Variants in FAM3C observed in about 807,000 individuals in gnomAD.
FAM3C encodes protein FAM3C.
A neutral mutation model predicts 32.5 loss-of-function variants in FAM3C; 15 were observed. The observed-to-expected ratio is 0.46, with a 90% confidence interval of 0.31 to 0.71. The LOEUF (loss-of-function observed/expected upper bound fraction) is 0.71, where lower values mean the gene tolerates loss of function less well. FAM3C is among the 30% of genes least tolerant of loss of function. FAM3C has a pLI of 0.05. For synonymous variants in FAM3C, 75 were observed against 86.1 expected (o/e 0.87, Z 0.72); for missense variants, 175 against 274.4 (o/e 0.64, Z 2.56).
In FAM3C at chr7:121,349,663, A is replaced by G. The variant is rs1239539820; in HGVS notation, c.*798T>C. 6.6e-6 allele frequency: 1 copy of G among 152,312 alleles called. No homozygotes were observed. The highest frequency in any genetic ancestry group is 2.4e-5 in the African/African-American group (1 of 41,426). The allele number at this position is 152,312 out of a possible 1,614,324, so 9.4% of individuals were successfully genotyped here. A position where few individuals can be genotyped will look rare whatever the true frequency, so the allele number is the denominator to read the frequency against. On this transcript the variant is annotated 3_prime_UTR_variant, in exon 10 of 10. Coordinates refer to ENST00000359943, the MANE Select transcript of FAM3C (RefSeq NM_014888.3). Reference sequence around the variant, plus strand: ...AACGTATGCTAGTATTGCTCTAAATATACTGACTTAGCTGTCCTGAATGAC... The same window carrying G: ...AACGTATGCTAGTATTGCTCTAAATGTACTGACTTAGCTGTCCTGAATGAC...
intron 7 of FAM3C, among the ~76,000 whole-genome samples, chr7:121,362,542 G>A (rs777667401): frequency 6.0e-5 from 9 of 151,198 alleles, no homozygotes; most frequent in South Asian, 4.2e-4. Context: ...GCTTACATTG[G>A]TTATTCTGGT....
Position 121,382,214 on chromosome 7 carries a change from C to T in FAM3C, c.13+743G>A, listed in dbSNP as rs148701756. Among the ~76,000 whole-genome samples the T allele has an allele frequency of 7.0e-3, 1,072 of 152,122 alleles. 5 individuals carry two copies. The highest frequency in any genetic ancestry group is 0.025 in the South Asian group (121 of 4,814). On this transcript the variant is annotated intron_variant, in intron 2 of 9. Coordinates refer to ENST00000359943, the MANE Select transcript of FAM3C (RefSeq NM_014888.3). ...ATCAGCCCCTCCAGTTATTTATAAA[C>T]GTGTCTTTTTAGAATATTTAAATAT... is the stretch of plus-strand genomic sequence containing the variant.
At chr7:121,370,182 T>C (rs1794117323) in intron 5 of FAM3C, among the ~76,000 whole-genome samples, 1 of 152,124 alleles carries the variant, frequency 6.6e-6, no homozygotes, top group South Asian at 2.1e-4. Context: ...ACTATTCTAA[T>C]GAGAAATCAG....
chr7:121,369,228 G>A (rs1010733478), intron 5 of FAM3C, among the ~76,000 whole-genome samples: 1 of 151,904 alleles, frequency 6.6e-6, no homozygotes, highest in Non-Finnish European at 1.5e-5. Flanking sequence ...TGATCCACCC[G>A]CTTCGACCTC....
At chr7:121,371,832 C>T (rs1794154116) in intron 4 of FAM3C, among the ~76,000 whole-genome samples, 1 of 152,092 alleles carries the variant, frequency 6.6e-6, no homozygotes, top group Non-Finnish European at 1.5e-5. Context: ...TTAAAAAAGG[C>T]CTAATGTTCC....
chr7:121,391,998 T>C (rs1485674111), intron 1 of FAM3C, among the ~76,000 whole-genome samples: 3 of 152,156 alleles, frequency 2.0e-5, no homozygotes, highest in African/African-American at 7.2e-5. Flanking sequence ...TAGGGGACCT[T>C]CCAACACGAC....
intron 4 of FAM3C, among the ~76,000 whole-genome samples, chr7:121,371,815 A>C (rs1003533519): frequency 3.3e-5 from 5 of 152,190 alleles, no homozygotes; most frequent in African/African-American, 1.2e-4. Flanking sequence ...CGTCACCTCC[A>C]GGATAATTAA....
intron 8 of FAM3C, among the ~76,000 whole-genome samples, chr7:121,353,917 T>C (rs148523784): frequency 1.9e-3 from 283 of 152,334 alleles, no homozygotes; most frequent in Middle Eastern, 6.8e-3. Flanking sequence ...ACTGGAGAAC[T>C]GTCAAAACTG....
chr7:121,378,393 C>T (rs2116935496), intron 3 of FAM3C, among the ~76,000 whole-genome samples: 1 of 152,122 alleles, frequency 6.6e-6, no homozygotes, highest in East Asian at 1.9e-4. Flanking sequence ...GATCACAGCT[C>T]ACCACAGCCT....
intron 1 of FAM3C, among the ~76,000 whole-genome samples, chr7:121,390,956 T>C (rs967290209): frequency 6.8e-6 from 1 of 146,300 alleles, no homozygotes; most frequent in African/African-American, 2.5e-5. Flanking sequence ...ACAGTCAACC[T>C]GCCACCAGAA....
At chr7:121,389,911 A>G (rs949473648) in intron 1 of FAM3C, among the ~76,000 whole-genome samples, 3 of 152,202 alleles carry the variant, frequency 2.0e-5, no homozygotes, top group African/African-American at 7.2e-5. Context: ...ACTGGAAATG[A>G]GTAGGATGAA....
At chr7:121,367,610 T>A (rs1794048663) in intron 5 of FAM3C, among the ~76,000 whole-genome samples, 1 of 152,124 alleles carries the variant, frequency 6.6e-6, no homozygotes, top group Non-Finnish European at 1.5e-5. Flanking sequence ...AATATCAAAT[T>A]CATACAAATT....
rs573737429 is a variant in FAM3C at position 121,358,384 on chromosome 7, A to C, written c.467+1659T>G. ...TTGTAGTATTAAAGCTCTGTCAATT[A>C]AAATCTATAAAGGATGTTTTTTATC... On this transcript the variant is annotated intron_variant, in intron 8 of 9. Coordinates refer to ENST00000359943, the MANE Select transcript of FAM3C (RefSeq NM_014888.3). Among the ~76,000 whole-genome samples, 3 of 152,164 alleles carry C rather than the reference A, an allele frequency of 2.0e-5. No homozygotes were observed. In the South Asian group the frequency reaches 6.2e-4, roughly 32 times the overall value.
chr7:121,387,265 G>T (rs553248790), intron 1 of FAM3C, among the ~76,000 whole-genome samples: 10 of 151,618 alleles, frequency 6.6e-5, no homozygotes, highest in Non-Finnish European at 1.2e-4. Context: ...ACAGGCCTAG[G>T]GGTTGTACTT....
intron 8 of FAM3C, among the ~76,000 whole-genome samples, chr7:121,352,516 C>T (rs906661181): frequency 6.6e-6 from 1 of 152,094 alleles, no homozygotes; most frequent in African/African-American, 2.4e-5. Context: ...CTTTCAGATT[C>T]GCCTCCTATA....
intron 9 of FAM3C, 108 bp from the exon 10 acceptor site, chr7:121,350,658 A>G: frequency 8.7e-7 from 1 of 1,154,134 alleles, no homozygotes; most frequent in Non-Finnish European, 1.2e-6. Context: ...GTCAACAATA[A>G]GTTCATTTAA....
intron 8 of FAM3C, among the ~76,000 whole-genome samples, chr7:121,354,358 T>A (rs573203276): frequency 1.3e-5 from 2 of 152,176 alleles, no homozygotes; most frequent in Non-Finnish European, 2.9e-5. Flanking sequence ...ATAATTTTCT[T>A]CAAAATGAAC....
intron 1 of FAM3C, among the ~76,000 whole-genome samples, chr7:121,395,212 GATAC>G (rs1288705167): frequency 1.3e-5 from 2 of 149,516 alleles, no homozygotes; most frequent in South Asian, 2.1e-4. Context: ...CATATATACG[GATAC>G]ATACATATAT....
At chr7:121,385,018 C>T (rs1383302849) in intron 1 of FAM3C, among the ~76,000 whole-genome samples, 2 of 151,906 alleles carry the variant, frequency 1.3e-5, no homozygotes, top group African/African-American at 4.8e-5. Context: ...GAAGCAAAAA[C>T]TTAATGGAAA....
Sources: allele counts gnomAD v4.1 joint callset (sites outside exome capture counted in the v4.1 genomes callset), GRCh38; gene constraint gnomAD v4.1.1; transcripts MANE v1.5; gene names NCBI Gene and HGNC (gene_info 2026-07-23, HGNC 2026-07-21).